Variants in EXOC4 observed in about 807,000 individuals in gnomAD.
EXOC4 encodes the protein exocyst complex component 4.
Under a neutral mutation model 107.2 loss-of-function variants are expected in EXOC4, and 71 were observed. The observed-to-expected ratio is 0.66, with a 90% CI of 0.55 to 0.81. The LOEUF (loss-of-function observed/expected upper bound fraction) is 0.81, where lower values mean the gene tolerates loss of function less well. Ranked by LOEUF, EXOC4 falls within the 30% of genes least tolerant of loss-of-function variation. EXOC4 has a pLI of 0.00. For missense variants in EXOC4, 1,108 were observed against 1,189.6 expected (o/e 0.93, Z 1.01); for synonymous variants, 456 against 441.2 (o/e 1.03, Z -0.42).
At chr7:133,774,703 A>T (rs778463500) in intron 10 of EXOC4, among the ~76,000 whole-genome samples, 14 of 152,050 alleles carry the variant, frequency 9.2e-5, no homozygotes, top group Non-Finnish European at 1.6e-4. Flanking sequence ...TAACTTATGG[A>T]CATTAGTTCT....
intron 7 of EXOC4, among the ~76,000 whole-genome samples, chr7:133,395,054 C>T (rs1796939962): frequency 6.6e-6 from 1 of 150,558 alleles, no homozygotes; most frequent in Non-Finnish European, 1.5e-5. Context: ...TATAATTTTG[C>T]TGTGGTCACC....
At chr7:133,937,181 A>G (rs1430157681) in intron 13 of EXOC4, among the ~76,000 whole-genome samples, 1 of 150,526 alleles carries the variant, frequency 6.6e-6, no homozygotes, top group Non-Finnish European at 1.5e-5. Context: ...TGATTTTTCA[A>G]CCCCGCCCTG....
rs137879526 is a variant in EXOC4 at position 133,549,184 on chromosome 7, G to T, written c.1417+69046G>T. 6.5e-3 allele frequency among the ~76,000 whole-genome samples: 994 copies of T among 152,140 alleles called. 7 individuals carry two copies. Among genetic ancestry groups the T allele is most frequent in the African/African-American group, 0.02 (812 of 41,490 alleles). On this transcript the variant is annotated intron_variant, in intron 9 of 17. Coordinates refer to ENST00000253861, the MANE Select transcript of EXOC4 (RefSeq NM_021807.4). ...AGTTTGGTTTTTTTTAGTAGAGACG[G>T]GTTTCACTGTGTTGTTAGGCTGGTC... is the stretch of plus-strand genomic sequence containing the variant.
intron 7 of EXOC4, among the ~76,000 whole-genome samples, chr7:133,455,198 T>C (rs1000329392): frequency 3.3e-5 from 5 of 152,214 alleles, no homozygotes; most frequent in Admixed American, 1.3e-4. Flanking sequence ...GAAAGTTATG[T>C]GAGTTATACT....
chr7:133,305,870 T>C lies in EXOC4; in HGVS notation c.472-7T>C, dbSNP rs1794741793. The C allele has an allele frequency of 6.3e-7, 1 of 1,576,486 alleles. No homozygotes were observed. The highest frequency in any genetic ancestry group is 8.6e-7 in the Non-Finnish European group (1 of 1,164,464). On this transcript the variant is annotated splice_polypyrimidine_tract_variant and splice_region_variant and intron_variant, in intron 3 of 17. Transcript: ENST00000253861. ...CTTAATTGTCTTTCATTTTTTTCTC[T>C]TTTCAGGTGTCAGCAGTTGAGTCTT...
At chr7:133,742,016 T>A (rs1248357002) in intron 10 of EXOC4, among the ~76,000 whole-genome samples, 1 of 152,222 alleles carries the variant, frequency 6.6e-6, no homozygotes, top group Non-Finnish European at 1.5e-5. Flanking sequence ...ATTGTCACGT[T>A]GTAGTGAATG....
chr7:133,906,712 G>A (rs1021393477), intron 12 of EXOC4, among the ~76,000 whole-genome samples: 15 of 152,208 alleles, frequency 9.9e-5, no homozygotes, highest in African/African-American at 3.1e-4. Flanking sequence ...TGCTGCCATC[G>A]CAGACCCACC....
intron 14 of EXOC4, among the ~76,000 whole-genome samples, chr7:133,969,836 G>A (rs1801160082): frequency 6.6e-6 from 1 of 152,220 alleles, no homozygotes; most frequent in African/African-American, 2.4e-5. Flanking sequence ...ACTTGAGGAG[G>A]TAGTCTGACC....
At chr7:134,063,655 G>C (rs1796122309) in intron 17 of EXOC4, among the ~76,000 whole-genome samples, 1 of 152,096 alleles carries the variant, frequency 6.6e-6, no homozygotes, top group Non-Finnish European at 1.5e-5. Flanking sequence ...TTGTCTCCGA[G>C]CTACTTGAGG....
intron 14 of EXOC4, among the ~76,000 whole-genome samples, chr7:133,981,997 G>A (rs1232834873): frequency 6.6e-6 from 1 of 152,174 alleles, no homozygotes; most frequent in African/African-American, 2.4e-5. Context: ...GCAAAGTAAT[G>A]CAGGAACAGA....
chr7:133,620,694 A>C (rs916903667), intron 9 of EXOC4, among the ~76,000 whole-genome samples: 5 of 152,296 alleles, frequency 3.3e-5, no homozygotes, highest in Admixed American at 2.6e-4. Context: ...TTAGTGAAAA[A>C]AGAATGAAAT....
intron 14 of EXOC4, among the ~76,000 whole-genome samples, chr7:133,986,257 A>C (rs964504960): frequency 8.5e-5 from 13 of 152,248 alleles, no homozygotes; most frequent in Non-Finnish European, 1.5e-4. Context: ...ACTTGGAGGC[A>C]GAAGAACTAT....
chr7:133,766,140 A>G (rs1333597068), intron 10 of EXOC4, among the ~76,000 whole-genome samples: 5 of 151,944 alleles, frequency 3.3e-5, no homozygotes, highest in Non-Finnish European at 5.9e-5. Flanking sequence ...TTACTTGAAT[A>G]TGGCTTTTAG....
At chr7:134,001,369 G>A (rs1384771822) in intron 15 of EXOC4, among the ~76,000 whole-genome samples, 1 of 152,016 alleles carries the variant, frequency 6.6e-6, no homozygotes, top group Admixed American at 6.6e-5. Flanking sequence ...TGCAGAATAC[G>A]TTAATGTCAA....
intron 13 of EXOC4, among the ~76,000 whole-genome samples, chr7:133,925,243 G>GT (rs1232513134): frequency 3.9e-5 from 6 of 152,192 alleles, no homozygotes; most frequent in East Asian, 1.9e-4. Flanking sequence ...TTCTATTCTT[G>GT]TTTTTTAACT....
At chr7:134,011,837 T>G (rs1199142780) in intron 17 of EXOC4, among the ~76,000 whole-genome samples, 1 of 143,388 alleles carries the variant, frequency 7.0e-6, no homozygotes, top group Non-Finnish European at 1.5e-5. Flanking sequence ...GGTGCCAGAG[T>G]CTAATGGAGG....
rs758604905 is a variant in EXOC4 at position 134,005,074 on chromosome 7, C to T, written c.2511C>T (p.Phe837=). 1 of 1,612,868 alleles carries T rather than the reference C, an allele frequency of 6.2e-7. No individual in the cohort carries two copies. Among genetic ancestry groups the T allele is most frequent in the African/African-American group, 1.3e-5 (1 of 74,838 alleles). The part of the protein sequence containing the change: ...AMSASLQQHK[F]QYIFEGLGHL... The stretch of plus-strand genomic sequence containing the variant: ...GCGCCAGCCTTCAGCAGCACAAGTT[C>T]CAGTATATCTTCGAAGGTCAGACCC... Residue 837 remains phenylalanine, a synonymous_variant, in exon 16 of 18, where the codon TTC becomes TTT. Transcript: ENST00000253861.
intron 10 of EXOC4, among the ~76,000 whole-genome samples, chr7:133,792,425 C>T (rs1031819944): frequency 5.3e-5 from 8 of 151,662 alleles, no homozygotes; most frequent in African/African-American, 1.9e-4. Context: ...GTGTGGCACG[C>T]ACCTGTAGAC....
At chr7:133,596,208 G>T (rs559631177) in intron 9 of EXOC4, among the ~76,000 whole-genome samples, 1 of 151,970 alleles carries the variant, frequency 6.6e-6, no homozygotes, top group Non-Finnish European at 1.5e-5. Flanking sequence ...AACTCTATTT[G>T]GTTATTTTAT....
Sources: allele counts gnomAD v4.1 joint callset (sites outside exome capture counted in the v4.1 genomes callset), GRCh38; gene constraint gnomAD v4.1.1; transcripts MANE v1.5; gene names NCBI Gene and HGNC (gene_info 2026-07-23, HGNC 2026-07-21).